Variants in ZNF143 observed in about 807,000 individuals in gnomAD.
ZNF143 encodes zinc finger protein 143, also known as SPH-binding factor.
ZNF143 carries 49 observed loss-of-function variants against 74.1 expected under a neutral mutation model. The ratio of observed to expected loss-of-function variants is 0.66; its 90% confidence interval spans 0.53 to 0.84. The LOEUF (loss-of-function observed/expected upper bound fraction) is 0.84, where lower values mean the gene tolerates loss of function less well. Ranked by LOEUF, ZNF143 falls within the 40% of genes least tolerant of loss-of-function variation. The probability of loss-of-function intolerance (pLI) is 0.00; values close to 1 mark genes in which losing one functional copy is unlikely to be tolerated. For synonymous variants in ZNF143, 304 were observed against 282.8 expected (o/e 1.07, Z -0.75); for missense variants, 637 against 793.4 (o/e 0.80, Z 2.37).
chr11:9,486,818 G>C (rs1262689708), intron 7 of ZNF143, among the ~76,000 whole-genome samples: 2 of 149,138 alleles, frequency 1.3e-5, no homozygotes, highest in African/African-American at 2.5e-5. Flanking sequence ...ACAGGCACCC[G>C]CCACCACGCC....
intron 14 of ZNF143, among the ~76,000 whole-genome samples, chr11:9,516,685 C>T (rs1477617442): frequency 6.6e-6 from 1 of 152,132 alleles, no homozygotes; most frequent in African/African-American, 2.4e-5. Flanking sequence ...ACTTGCAAAA[C>T]TTACTATTTA....
intron 7 of ZNF143, among the ~76,000 whole-genome samples, chr11:9,488,538 T>A (rs1161355908): frequency 1.3e-5 from 2 of 152,184 alleles, no homozygotes; most frequent in Non-Finnish European, 2.9e-5. Context: ...AGTCCTCTTC[T>A]TCAGTCTTCA....
In ZNF143 at chr11:9,475,910, ATGTGTGTGTGTGTGTGTGTG is replaced by A. The variant is rs61636956; in HGVS notation, c.373+1303_373+1322del. On this transcript the variant is annotated intron_variant, in intron 5 of 15. Transcript: ENST00000396602. ...GAGACCCTGTCTCAAAAAAATATAT[ATGTGTGTGTGTGTGTGTGTG>A]TGTGTGTGTGTGTGTGTGTGTGTGT... 7.3e-5 allele frequency among the ~76,000 whole-genome samples: 10 copies of A among 137,372 alleles called. No homozygotes were observed. In the South Asian group the frequency reaches 9.5e-4, roughly 13 times the overall value. The allele number at this position is 137,372 out of a possible 152,430, so 90.1% of individuals were successfully genotyped here. A position where few individuals can be genotyped will look rare whatever the true frequency, so the allele number is the denominator to read the frequency against.
At position 9,522,065 on chromosome 11, in the gene ZNF143, C is replaced by CAAA. The variant is rs34484384; in HGVS notation, c.1687-3158_1687-3156dup. ...TGGGCGACAGAGGGAGACCCTGTCTCAAAAAAAAAAAAAAAAAAAGTCAGT... is the reference window on the plus strand; with the variant it reads ...TGGGCGACAGAGGGAGACCCTGTCTCAAAAAAAAAAAAAAAAAAAAAAGTCAGT... On this transcript the variant is annotated intron_variant, in intron 14 of 15. Transcript: ENST00000396602. Among the ~76,000 whole-genome samples, 54 of 97,508 alleles carry CAAA rather than the reference C, an allele frequency of 5.5e-4. 1 individual carries two copies. The highest frequency in any genetic ancestry group is 2.1e-3 in the African/African-American group (45 of 21,876). The allele number at this position is 97,508 out of a possible 152,430, so 64.0% of individuals were successfully genotyped here.
At chr11:9,494,568 C>T in intron 7 of ZNF143, 78 bp from the exon 8 acceptor site, 2 of 1,454,364 alleles carry the variant, frequency 1.4e-6, no homozygotes, top group South Asian at 2.5e-5. Flanking sequence ...ACCTCTGCCT[C>T]CCCATGTGCT....
chr11:9,497,494 G>C lies in ZNF143; in HGVS notation c.842-181G>C, dbSNP rs375223971. Among the ~76,000 whole-genome samples the C allele has an allele frequency of 2.6e-3, 395 of 152,206 alleles. 1 individual carries two copies. The highest frequency in any genetic ancestry group is 9.2e-3 in the African/African-American group (381 of 41,512). On this transcript the variant is annotated intron_variant, in intron 9 of 15. Transcript: ENST00000396602. Reference sequence around the variant, plus strand: ...GATCCGCCCGCCTTGGCATTCCAAAGTGCTGGGGGTACAGGCGTGAGCCAC... The same window carrying C: ...GATCCGCCCGCCTTGGCATTCCAAACTGCTGGGGGTACAGGCGTGAGCCAC...
chr11:9,496,850 G>A (rs1026882251), intron 9 of ZNF143, among the ~76,000 whole-genome samples: 1 of 151,824 alleles, frequency 6.6e-6, no homozygotes. Context: ...CGTCCGCCTC[G>A]GCCTCCCAAA....
At chr11:9,483,114 C>T (rs1320238376) in intron 7 of ZNF143, among the ~76,000 whole-genome samples, 2 of 150,332 alleles carry the variant, frequency 1.3e-5, no homozygotes, top group Non-Finnish European at 2.9e-5. Flanking sequence ...TTGCCTCAGC[C>T]TCCCGAATAG....
At chr11:9,469,032 G>A (rs1470454375) in intron 1 of ZNF143, among the ~76,000 whole-genome samples, 1 of 151,580 alleles carries the variant, frequency 6.6e-6, no homozygotes, top group East Asian at 2.0e-4. Context: ...TACTCGGGAG[G>A]CTGAGGCATG....
chr11:9,494,444 A>G (rs1847889214), intron 7 of ZNF143, among the ~76,000 whole-genome samples: 1 of 151,974 alleles, frequency 6.6e-6, no homozygotes, highest in South Asian at 2.1e-4. Flanking sequence ...GTACCTGGGA[A>G]CCACAGATGC....
chr11:9,477,205 C>CCCTTCCCTT (rs1159574052), intron 5 of ZNF143, among the ~76,000 whole-genome samples: 3,248 of 108,240 alleles, frequency 0.03, 253 homozygotes, highest in African/African-American at 0.1. Flanking sequence ...TCCTTTCCCT[C>CCCTTCCCTT]CCTTCCCTTC....
At chr11:9,510,734 A>AT (rs76523082) in intron 12 of ZNF143, among the ~76,000 whole-genome samples, 16,141 of 149,730 alleles carry the variant, frequency 0.11, 1,187 homozygotes, top group Non-Finnish European at 0.16. Flanking sequence ...AGGGGGAAAC[A>AT]TTTTTTTTTT....
At chr11:9,462,840 A>T (rs1435500307) in intron 1 of ZNF143, among the ~76,000 whole-genome samples, 1 of 152,114 alleles carries the variant, frequency 6.6e-6, no homozygotes, top group Non-Finnish European at 1.5e-5. Flanking sequence ...GCACCATTGC[A>T]CTCCAGTCTG....
intron 7 of ZNF143, among the ~76,000 whole-genome samples, chr11:9,490,453 T>C (rs1190361281): frequency 6.6e-6 from 1 of 151,560 alleles, no homozygotes; most frequent in Non-Finnish European, 1.5e-5. Flanking sequence ...CCAGCTAATT[T>C]TTATATTTTT....
chr11:9,468,375 G>A (rs1856370291), intron 1 of ZNF143, among the ~76,000 whole-genome samples: 1 of 152,154 alleles, frequency 6.6e-6, no homozygotes, highest in Admixed American at 6.5e-5. Context: ...TTAGCTTTAA[G>A]CCTAGTAGGT....
chr11:9,471,131 C>G (rs987373144), intron 1 of ZNF143, 171 bp from the exon 2 acceptor site: 3 of 448,580 alleles, frequency 6.7e-6, no homozygotes, highest in African/African-American at 6.1e-5. Context: ...TTATAAGAAG[C>G]ATGCCTTGGA....
chr11:9,476,277 A>T (rs1338496743), intron 5 of ZNF143, among the ~76,000 whole-genome samples: 2 of 152,178 alleles, frequency 1.3e-5, no homozygotes, highest in Non-Finnish European at 2.9e-5. Flanking sequence ...CAGAATGCAC[A>T]AACATGTAAA....
chr11:9,487,445 C>T (rs59403069), intron 7 of ZNF143, among the ~76,000 whole-genome samples: 2,699 of 151,550 alleles, frequency 0.018, 195 homozygotes, highest in African/African-American at 0.062. Context: ...CTGCAAGCTC[C>T]GCCTCCCGGG....
At chr11:9,498,672 T>TA (rs35563584) in intron 10 of ZNF143, among the ~76,000 whole-genome samples, 2 of 152,052 alleles carry the variant, frequency 1.3e-5, no homozygotes, top group South Asian at 4.1e-4. Context: ...GGATTGGAGC[T>TA]AAAAAAAAGT....
Sources: allele counts gnomAD v4.1 joint callset (sites outside exome capture counted in the v4.1 genomes callset), GRCh38; gene constraint gnomAD v4.1.1; transcripts MANE v1.5; gene names NCBI Gene and HGNC (gene_info 2026-07-23, HGNC 2026-07-21).